AGAP1: variants seen among roughly 807,000 people sequenced by gnomAD.
The protein encoded by AGAP1 is ArfGAP with GTPase domain, ankyrin repeat and PH domain 1.
A neutral mutation model predicts 105.3 loss-of-function variants in AGAP1; 29 were observed. The ratio of observed to expected loss-of-function variants is 0.28; its 90% CI spans 0.21 to 0.38. The LOEUF (loss-of-function observed/expected upper bound fraction) is 0.38, where lower values mean the gene tolerates loss of function less well. AGAP1 is among the 10% of genes least tolerant of loss of function. The pLI is 1.00. For missense variants in AGAP1, 998 were observed against 1,165.1 expected (o/e 0.86, Z 2.09); for synonymous variants, 509 against 485.9 (o/e 1.05, Z -0.63).
At chr2:235,672,815 G>A (rs1948507965) in intron 1 of AGAP1, among the ~76,000 whole-genome samples, 1 of 152,208 alleles carries the variant, frequency 6.6e-6, no homozygotes, top group Non-Finnish European at 1.5e-5. Flanking sequence ...AAAGCATTTG[G>A]AGTTTGGATA....
At chr2:236,074,784 G>A (rs1204380142) in intron 16 of AGAP1, among the ~76,000 whole-genome samples, 1 of 152,158 alleles carries the variant, frequency 6.6e-6, no homozygotes, top group African/African-American at 2.4e-5. Context: ...GCTGGGCATG[G>A]TGGCTCATGC....
chr2:235,682,426 T>A (rs1254843848), intron 1 of AGAP1, among the ~76,000 whole-genome samples: 1 of 152,094 alleles, frequency 6.6e-6, no homozygotes, highest in South Asian at 2.1e-4. Context: ...CACTGCAGCC[T>A]CTGCCTCCCG....
intron 1 of AGAP1, among the ~76,000 whole-genome samples, chr2:235,678,134 C>T (rs1416840510): frequency 3.9e-5 from 6 of 152,018 alleles, no homozygotes; most frequent in African/African-American, 2.4e-5. Flanking sequence ...CAATGCAGCT[C>T]GTTGACAGCT....
At chr2:236,066,776 C>T (rs928874392) in intron 16 of AGAP1, among the ~76,000 whole-genome samples, 5 of 151,908 alleles carry the variant, frequency 3.3e-5, no homozygotes, top group East Asian at 1.9e-4. Context: ...ATTCCTATCA[C>T]CCCAGGAACT....
rs1412633039 is a variant in AGAP1 at position 235,891,886 on chromosome 2, G to A, written c.1155+8437G>A. Among the ~76,000 whole-genome samples the A allele has an allele frequency of 1.3e-5, 2 of 152,136 alleles. No homozygotes were observed. The highest frequency in any genetic ancestry group is 4.8e-5 in the African/African-American group (2 of 41,432). On this transcript the variant is annotated intron_variant, in intron 10 of 17. Coordinates refer to ENST00000304032, the MANE Select transcript of AGAP1 (RefSeq NM_001037131.3). This position sits in a 1 kb window ranked among gnomAD's most constrained non-coding sequence, Gnocchi z 4.2. The stretch of plus-strand genomic sequence containing the variant: ...AACCTCCTTCTGGCCAGGTGTGGTG[G>A]CTCACACCTGTAATCCCAGCACTTT...
At position 236,002,294 on chromosome 2, in the gene AGAP1, G is replaced by A. The variant is rs753515140; in HGVS notation, c.1645+33671G>A. On this transcript the variant is annotated intron_variant, in intron 13 of 17. Transcript: ENST00000304032. This position sits in a 1 kb window ranked among gnomAD's most constrained non-coding sequence, Gnocchi z 4.3. ...CTGAGCCCAGGAGGCTCCTGGTCCC[G>A]TCCTGGAACAGCCGGTGACTCAAAG... 4.6e-5 allele frequency among the ~76,000 whole-genome samples: 7 copies of A among 152,246 alleles called. No individual in the cohort carries two copies. The highest frequency in any genetic ancestry group is 3.9e-4 in the East Asian group (2 of 5,176).
At chr2:235,947,468 C>T (rs547919874) in intron 12 of AGAP1, among the ~76,000 whole-genome samples, 2 of 152,296 alleles carry the variant, frequency 1.3e-5, no homozygotes, top group Non-Finnish European at 2.9e-5. Flanking sequence ...TTTTCTTCGT[C>T]CACTCGTTGA....
intron 9 of AGAP1, among the ~76,000 whole-genome samples, chr2:235,847,410 T>C (rs1377012152): frequency 2.0e-5 from 3 of 152,210 alleles, no homozygotes; most frequent in Non-Finnish European, 4.4e-5. Flanking sequence ...AATGATGTTG[T>C]TACACAGTGT....
chr2:235,930,804 GC>G lies in AGAP1; in HGVS notation c.1365del (p.Ile456SerfsTer148). On this transcript the variant is annotated frameshift_variant, in exon 12 of 18. Coordinates refer to ENST00000304032, the MANE Select transcript of AGAP1 (RefSeq NM_001037131.3). LOFTEE classifies it high-confidence loss of function. The surrounding 1 kb of genome is among the most constrained non-coding windows in gnomAD (Gnocchi z 7.9). ...GCATCTGGGTCTCAGATGGCAAGCG[GC>G]ATCAGCCTGGTCTCCTTCAACAGCC... Reference protein sequence around the residue: ...TSASGSQMASGISLVSFNSRP... With the variant: ...TSASGSQMASXISLVSFNSRP... 1 of 1,614,026 alleles carries G rather than the reference GC, an allele frequency of 6.2e-7. No homozygotes were observed. The highest frequency in any genetic ancestry group is 8.5e-7 in the Non-Finnish European group (1 of 1,180,004).
chr2:235,863,875 A>G (rs2049037230), intron 9 of AGAP1, among the ~76,000 whole-genome samples: 2 of 152,230 alleles, frequency 1.3e-5, no homozygotes, highest in African/African-American at 4.8e-5. Flanking sequence ...AGTCAGGTGG[A>G]TGAAAAGTTG....
intron 1 of AGAP1, among the ~76,000 whole-genome samples, chr2:235,704,969 C>CCT (rs1950457419): frequency 1.7e-5 from 1 of 59,696 alleles, no homozygotes; most frequent in African/African-American, 8.5e-5. Flanking sequence ...ATGCTTTTTT[C>CCT]TTTTTTTTTT....
Position 236,076,314 on chromosome 2 carries a change from G to T in AGAP1, c.2114+27033G>T, listed in dbSNP as rs1434924121. Among the ~76,000 whole-genome samples, 1 of 152,120 alleles carries T rather than the reference G, an allele frequency of 6.6e-6. No homozygotes were observed. The highest frequency in any genetic ancestry group is 1.5e-5 in the Non-Finnish European group (1 of 68,022). ...AATACAAAAATTAGCCAGGCATGGT[G>T]GCATGAGCCCATAATCCCAGCTACT... On this transcript the variant is annotated intron_variant, in intron 16 of 17. Coordinates refer to ENST00000304032, the MANE Select transcript of AGAP1 (RefSeq NM_001037131.3). The surrounding 1 kb of genome is among the most constrained non-coding windows in gnomAD (Gnocchi z 4.4).
chr2:235,961,350 C>CT lies in AGAP1; in HGVS notation c.1484-7111dup, dbSNP rs2054178023. Among the ~76,000 whole-genome samples the CT allele has an allele frequency of 1.3e-5, 2 of 152,232 alleles. No homozygotes were observed. Among genetic ancestry groups the CT allele is most frequent in the Non-Finnish European group, 2.9e-5 (2 of 68,042 alleles). ...AGAACCCCTCCACACGGCTCCCCGT[C>CT]TAAGGCGGCAGGGATGAGCTGTGTG... On this transcript the variant is annotated intron_variant, in intron 12 of 17. Transcript: ENST00000304032. This position sits in a 1 kb window ranked among gnomAD's most constrained non-coding sequence, Gnocchi z 5.9.
At position 236,040,723 on chromosome 2, in the gene AGAP1, T is replaced by C. The variant is rs776048760; in HGVS notation, c.1801-28T>C. On this transcript the variant is annotated intron_variant, in intron 14 of 17. Coordinates refer to ENST00000304032, the MANE Select transcript of AGAP1 (RefSeq NM_001037131.3). The surrounding 1 kb of genome is among the most constrained non-coding windows in gnomAD (Gnocchi z 5.6). ...GCGTTTCTCCCGGGGTGCTTACGCC[T>C]TGTATTTGTGTCTTCCTCCGTGCCC... 6.2e-7 allele frequency: 1 copy of C among 1,611,458 alleles called. No homozygotes were observed. The highest frequency in any genetic ancestry group is 2.2e-5 in the East Asian group (1 of 44,856).
Position 235,734,633 on chromosome 2 carries a change from C to T in AGAP1, c.311-6330C>T, listed in dbSNP as rs1174175704. 3.3e-5 allele frequency among the ~76,000 whole-genome samples: 5 copies of T among 152,004 alleles called. No homozygotes were observed. Among genetic ancestry groups the T allele is most frequent in the Non-Finnish European group, 7.4e-5 (5 of 68,016 alleles). On this transcript the variant is annotated intron_variant, in intron 3 of 17. Transcript: ENST00000304032. This position sits in a 1 kb window ranked among gnomAD's most constrained non-coding sequence, Gnocchi z 5.3. ...GTGTCTGTCTTTTTAGTTTCCTAAG[C>T]ACAGTGATGATTATTGGAGCTAAAG...
In AGAP1 at chr2:236,109,175, A is replaced by G. The variant is rs114266954; in HGVS notation, c.2115-11017A>G. Reference sequence around the variant, plus strand: ...CAGGTGTCCCCAGAGGTCTTGGTCTATGCTTTGCTCATCACTGACAAGGAT... The same window carrying G: ...CAGGTGTCCCCAGAGGTCTTGGTCTGTGCTTTGCTCATCACTGACAAGGAT... On this transcript the variant is annotated intron_variant, in intron 16 of 17. Coordinates refer to ENST00000304032, the MANE Select transcript of AGAP1 (RefSeq NM_001037131.3). The surrounding 1 kb of genome is among the most constrained non-coding windows in gnomAD (Gnocchi z 5.4). Among the ~76,000 whole-genome samples, 1,608 of 152,254 alleles carry G rather than the reference A, an allele frequency of 0.011. 19 individuals are homozygous for G. The highest frequency in any genetic ancestry group is 0.017 in the Non-Finnish European group (1,139 of 68,008).
Position 235,819,722 on chromosome 2 carries a change from A to G in AGAP1, c.1050+12391A>G, listed in dbSNP as rs140884910. 3.0e-3 allele frequency among the ~76,000 whole-genome samples: 448 copies of G among 151,660 alleles called. 2 individuals are homozygous for G. The highest frequency in any genetic ancestry group is 0.02 in the East Asian group (103 of 5,138). On this transcript the variant is annotated intron_variant, in intron 9 of 17. Transcript: ENST00000304032. Reference sequence around the variant, plus strand: ...CTCTCTATCTTCCCTGTTTATAGCTATGTGCATCATTCACGCCTCCTTTCC... The same window carrying G: ...CTCTCTATCTTCCCTGTTTATAGCTGTGTGCATCATTCACGCCTCCTTTCC...
rs1234924722 is a variant in AGAP1 at position 236,121,532 on chromosome 2, C to A, written c.2370+1085C>A. On this transcript the variant is annotated intron_variant, in intron 17 of 17. Transcript: ENST00000304032. The surrounding 1 kb of genome is among the most constrained non-coding windows in gnomAD (Gnocchi z 4.9). ...GTCAGTCTGGTCTCGAGCTCCTGAC[C>A]TCGTGATCCACCCGCCTCGGCCTCC... is the stretch of plus-strand genomic sequence containing the variant. Among the ~76,000 whole-genome samples, 3 of 152,116 alleles carry A rather than the reference C, an allele frequency of 2.0e-5. No individual in the cohort carries two copies. Among genetic ancestry groups the A allele is most frequent in the African/African-American group, 4.8e-5 (2 of 41,438 alleles).
chr2:235,544,175 A>C (rs35299626), intron 1 of AGAP1, among the ~76,000 whole-genome samples: 4 of 152,098 alleles, frequency 2.6e-5, no homozygotes, highest in African/African-American at 7.2e-5. Context: ...TGTCTTTATG[A>C]GGGGTGACAG....
Sources: gnomAD v4.1 joint callset for allele counts (sites outside exome capture counted in the v4.1 genomes callset) on GRCh38, gnomAD v4.1.1 for gene constraint, Gnocchi (gnomAD v3.1) non-coding constraint, MANE v1.5 for transcripts, NCBI Gene and HGNC (gene_info 2026-07-23, HGNC 2026-07-21) for gene names.